SGIP1: variants seen among roughly 807,000 people sequenced by gnomAD.
SGIP1 encodes SH3GL interacting endocytic adaptor 1, also known as SH3-containing GRB2-like protein 3-interacting protein 1.
Under a neutral mutation model 107.5 loss-of-function variants are expected in SGIP1, and 38 were observed. The observed-to-expected ratio is 0.35, with a 90% CI of 0.27 to 0.46. The LOEUF (loss-of-function observed/expected upper bound fraction) is 0.46. Ranked by LOEUF, SGIP1 falls within the 20% of genes least tolerant of loss-of-function variation. The probability of loss-of-function intolerance (pLI) is 1.00; values close to 1 mark genes in which losing one functional copy is unlikely to be tolerated. For missense variants in SGIP1, 929 were observed against 1,019.5 expected, an observed-to-expected ratio of 0.91 and a Z score of 1.21; for synonymous variants, 365 against 366.1, an observed-to-expected ratio of 1.00 and a Z score of 0.03.
intron 1 of SGIP1, among the ~76,000 whole-genome samples, chr1:66,556,646 C>T (rs1299848595): frequency 6.6e-6 from 1 of 151,852 alleles, no homozygotes; most frequent in African/African-American, 2.4e-5. Context: ...ATCCCCCACC[C>T]CCACCTACAA....
rs758255665 is a variant in SGIP1, at chr1:66,729,391, G to A, written c.1870G>A (p.Val624Ile). ...RVINFSRLEH[V>I]LPNPQLLCCD... Reference sequence around the variant, plus strand: ...GATAAATTTCAGCAGGTTAGAACACGTCCTGCCAAACCCCCAACTTCTCTG... The same window carrying A: ...GATAAATTTCAGCAGGTTAGAACACATCCTGCCAAACCCCCAACTTCTCTG... Residue 624 changes from valine (V) to isoleucine (I), a missense_variant, in exon 20 of 25, where the codon GTC becomes ATC. Physicochemically the swap from Val to Ile is conservative, Grantham distance 29 (BLOSUM62 3). Transcript: ENST00000371037. 9.3e-6 allele frequency: 15 copies of A among 1,613,790 alleles called. No individual in the cohort carries two copies. The highest frequency in any genetic ancestry group is 2.7e-5 in the African/African-American group (2 of 74,840).
At chr1:66,591,206 T>A (rs2063563648) in intron 1 of SGIP1, among the ~76,000 whole-genome samples, 1 of 152,202 alleles carries the variant, frequency 6.6e-6, no homozygotes, top group South Asian at 2.1e-4. Context: ...TCTGGAAATA[T>A]CTTACCAAAC....
intron 9 of SGIP1, 73 bp downstream of exon 9, chr1:66,667,614 G>T: frequency 7.1e-7 from 1 of 1,409,050 alleles, no homozygotes. Context: ...GGCCAGGTTG[G>T]TTTCCCATTA....
At chr1:66,729,452 T>A (rs74085068) in intron 20 of SGIP1, 33 bp downstream of exon 20, 1 of 1,613,562 alleles carries the variant, frequency 6.2e-7, no homozygotes, top group Non-Finnish European at 8.5e-7. Flanking sequence ...TTTTCAGAGA[T>A]ACATGTGGCT....
intron 1 of SGIP1, among the ~76,000 whole-genome samples, chr1:66,560,569 G>A (rs1337138796): frequency 6.6e-6 from 1 of 151,986 alleles, no homozygotes; most frequent in South Asian, 2.1e-4. Context: ...ACATTCCTGG[G>A]AGACCCAGTG....
chr1:66,613,622 A>T (rs1570608465), intron 1 of SGIP1, among the ~76,000 whole-genome samples: 1 of 152,100 alleles, frequency 6.6e-6, no homozygotes. Flanking sequence ...GAGCCACCTC[A>T]CCCAGCCTAA....
intron 12 of SGIP1, among the ~76,000 whole-genome samples, chr1:66,675,357 G>A (rs1190865715): frequency 6.6e-6 from 1 of 151,996 alleles, no homozygotes; most frequent in African/African-American, 2.4e-5. Flanking sequence ...CCATGACTGT[G>A]GCCTCAGTTG....
intron 8 of SGIP1, 114 bp from the exon 9 acceptor site, chr1:66,667,416 C>T (rs2082817779): frequency 1.0e-6 from 1 of 959,770 alleles, no homozygotes; most frequent in Non-Finnish European, 1.7e-6. Context: ...GCCTGATTCT[C>T]TGGAGTGTAT....
intron 18 of SGIP1, among the ~76,000 whole-genome samples, chr1:66,695,927 A>G (rs1278144928): frequency 6.6e-6 from 1 of 152,220 alleles, no homozygotes; most frequent in Non-Finnish European, 1.5e-5. Flanking sequence ...TGCAACATGC[A>G]TTATTGTAAA....
Position 66,679,614 on chromosome 1 carries a change from A to G in SGIP1, c.740-64A>G. ...CTGAAAGCCCAAATCCTGCTTATTT[A>G]AAGTGTATTGTATGACTTAGGAAGC... On this transcript the variant is annotated intron_variant, in intron 13 of 24. Coordinates refer to ENST00000371037, the MANE Select transcript of SGIP1 (RefSeq NM_032291.4). 2.0e-6 allele frequency: 3 copies of G among 1,506,098 alleles called. No homozygotes were observed. The South Asian group carries it at 3.7e-5, about 19-fold the overall frequency. 93.3% of individuals were successfully genotyped at this position (1,506,098 alleles called of 1,614,324 possible). A position where few individuals can be genotyped will look rare whatever the true frequency, so the allele number is the denominator to read the frequency against.
chr1:66,598,126 T>G (rs1016019957), intron 1 of SGIP1, among the ~76,000 whole-genome samples: 3 of 152,210 alleles, frequency 2.0e-5, no homozygotes, highest in African/African-American at 7.2e-5. Flanking sequence ...TATCAGTATC[T>G]AGATGCTGAC....
Position 66,746,309 on chromosome 1 carries a change from T to C in SGIP1, c.*3214T>C, listed in dbSNP as rs200551697. On this transcript the variant is annotated 3_prime_UTR_variant, in exon 25 of 25. Coordinates refer to ENST00000371037, the MANE Select transcript of SGIP1 (RefSeq NM_032291.4). ...CTTTTCTTAACAGCAGGGCTTTTTT[T>C]CTAATAAAATTGCACATGGAATCCT... 1.3e-5 allele frequency: 2 copies of C among 152,156 alleles called. No homozygotes were observed. Among genetic ancestry groups the C allele is most frequent in the African/African-American group, 4.8e-5 (2 of 41,464 alleles). 9.4% of individuals were successfully genotyped at this position (152,156 alleles called of 1,614,324 possible).
At chr1:66,713,140 A>T (rs1472693712) in intron 18 of SGIP1, among the ~76,000 whole-genome samples, 3 of 152,130 alleles carry the variant, frequency 2.0e-5, no homozygotes, top group Non-Finnish European at 4.4e-5. Context: ...TTTACTTGCC[A>T]GGTGACAATG....
chr1:66,684,348 C>T (rs907458592), intron 15 of SGIP1, among the ~76,000 whole-genome samples: 1 of 152,200 alleles, frequency 6.6e-6, no homozygotes, highest in African/African-American at 2.4e-5. Flanking sequence ...AAAATGTACT[C>T]GTCTGTGCTC....
chr1:66,591,704 G>A (rs960179528), intron 1 of SGIP1, among the ~76,000 whole-genome samples: 1 of 152,176 alleles, frequency 6.6e-6, no homozygotes, highest in Non-Finnish European at 1.5e-5. Context: ...AGCATAGGGA[G>A]GACCAGCGCG....
intron 4 of SGIP1, among the ~76,000 whole-genome samples, chr1:66,636,651 T>C (rs1217084375): frequency 6.6e-6 from 1 of 152,218 alleles, no homozygotes; most frequent in African/African-American, 2.4e-5. Flanking sequence ...TTCACAGATA[T>C]TTCTATTGGG....
chr1:66,743,045 C>T (rs777512517), intron 24 of SGIP1, 28 bp from the exon 25 acceptor site: 3 of 1,612,958 alleles, frequency 1.9e-6, no homozygotes, highest in East Asian at 4.5e-5. Context: ...TACCAGATAA[C>T]CTGTTGACAT....
intron 19 of SGIP1, among the ~76,000 whole-genome samples, chr1:66,728,635 A>G (rs2093868753): frequency 6.6e-6 from 1 of 152,232 alleles, no homozygotes; most frequent in African/African-American, 2.4e-5. Flanking sequence ...TCATTCTATC[A>G]TCAAGACACA....
chr1:66,750,206 A>G lies in SGIP1; in HGVS notation c.*7111A>G, dbSNP rs2094607139. Among the ~76,000 whole-genome samples, 1 of 152,192 alleles carries G rather than the reference A, an allele frequency of 6.6e-6. No individual in the cohort carries two copies. The highest frequency in any genetic ancestry group is 2.4e-5 in the African/African-American group (1 of 41,446). ...CCACAGGCCAAGCAGTAATGTATACAGCTGGCTTTTTAAGCTGTTTGAACA... is the reference window on the plus strand; with the variant it reads ...CCACAGGCCAAGCAGTAATGTATACGGCTGGCTTTTTAAGCTGTTTGAACA... On this transcript the variant is annotated 3_prime_UTR_variant, in exon 25 of 25. Coordinates refer to ENST00000371037, the MANE Select transcript of SGIP1 (RefSeq NM_032291.4).
Sources: allele counts gnomAD v4.1 joint callset (sites outside exome capture counted in the v4.1 genomes callset), GRCh38; gene constraint gnomAD v4.1.1; transcripts MANE v1.5; gene names NCBI Gene and HGNC (gene_info 2026-07-23, HGNC 2026-07-21).